The following CASC3 variants were observed in gnomAD, a reference collection of about 807,000 sequenced individuals.
CASC3 encodes CASC3 exon junction complex subunit, also known as protein CASC3.
In CASC3, 30 loss-of-function variants were observed where a neutral mutation model predicts 80.5. That is an observed-to-expected ratio of 0.37 (90% confidence interval 0.28 to 0.51). The LOEUF is 0.51. Ranked by LOEUF, CASC3 falls within the 20% of genes least tolerant of loss-of-function variation. CASC3 has a pLI of 0.94. For synonymous variants in CASC3, 312 were observed against 333.6 expected, an observed-to-expected ratio of 0.94 and a Z score of 0.70; for missense variants, 824 against 922.2, an observed-to-expected ratio of 0.89 and a Z score of 1.38.
intron 3 of CASC3, 71 bp from the exon 4 acceptor site, chr17:40,161,682 G>T (rs1016740239): frequency 1.3e-4 from 170 of 1,355,950 alleles, no homozygotes; most frequent in Non-Finnish European, 1.6e-4. Context: ...TTTGGGGTTG[G>T]GGGCAGGGGT....
chr17:40,171,655 C>T lies in CASC3; in HGVS notation c.*1250C>T. ...TTCCTCCCTATCCATGGCACTAAACCACTTCTCTGCTGCCTCTGTGGAAGA... is the reference window on the plus strand; with the variant it reads ...TTCCTCCCTATCCATGGCACTAAACTACTTCTCTGCTGCCTCTGTGGAAGA... On this transcript the variant is annotated 3_prime_UTR_variant, in exon 14 of 14. Coordinates refer to ENST00000264645, the MANE Select transcript of CASC3 (RefSeq NM_007359.5). 9.9e-7 allele frequency: 1 copy of T among 1,012,876 alleles called. No homozygotes were observed. The highest frequency in any genetic ancestry group is 1.2e-6 in the Non-Finnish European group (1 of 846,224). The allele number at this position is 1,012,876 out of a possible 1,614,324, so 62.7% of individuals were successfully genotyped here. A position where few individuals can be genotyped will look rare whatever the true frequency, so the allele number is the denominator to read the frequency against.
At position 40,140,658 on chromosome 17, in the gene CASC3, G is replaced by C. The variant is rs1172693483; in HGVS notation, c.110G>C (p.Ser37Thr). ...GSPLRGGGSC[S>T]GSAGGGGSGS... ...CCGTTGCGGGGAGGCGGGAGCTGCA[G>C]CGGTAGCGCCGGAGGCGGCGGCAGC... The change falls in exon 1 of 14, where the codon AGC (serine) becomes ACC (threonine). Residue 37 changes from serine to threonine, a missense_variant. Transcript: ENST00000264645. 1.4e-5 allele frequency: 22 copies of C among 1,606,794 alleles called. No individual in the cohort carries two copies. The highest frequency in any genetic ancestry group is 1.9e-5 in the Non-Finnish European group (22 of 1,177,996).
At chr17:40,144,626 G>T (rs1988806680) in intron 3 of CASC3, among the ~76,000 whole-genome samples, 1 of 149,562 alleles carries the variant, frequency 6.7e-6, no homozygotes, top group African/African-American at 2.5e-5. Context: ...ATTACAGGTG[G>T]ATTACGGGTG....
At chr17:40,165,848 C>T (rs1222367000) in intron 7 of CASC3, among the ~76,000 whole-genome samples, 2 of 151,458 alleles carry the variant, frequency 1.3e-5, no homozygotes, top group Non-Finnish European at 2.9e-5. Flanking sequence ...TCACTGCAAC[C>T]TCCGCCTCCA....
At position 40,141,550 on chromosome 17, in the gene CASC3, A is replaced by G. The variant is rs771298751; in HGVS notation, c.260-20A>G. ...TGTTTCTGGGTTTCTTTTTTTCCACATATTTCTGTTTTATTTCAGCTGTTC... is the reference window on the plus strand; with the variant it reads ...TGTTTCTGGGTTTCTTTTTTTCCACGTATTTCTGTTTTATTTCAGCTGTTC... On this transcript the variant is annotated intron_variant, in intron 2 of 13. Coordinates refer to ENST00000264645, the MANE Select transcript of CASC3 (RefSeq NM_007359.5). 2 of 1,611,318 alleles carry G rather than the reference A, an allele frequency of 1.2e-6. No homozygotes were observed. Among genetic ancestry groups the G allele is most frequent in the Non-Finnish European group, 1.7e-6 (2 of 1,178,446 alleles).
Position 40,168,289 on chromosome 17 carries a change from C to A in CASC3, c.1837C>A (p.Pro613Thr), listed in dbSNP as rs1356458177. 1 of 1,614,048 alleles carries A rather than the reference C, an allele frequency of 6.2e-7. No individual in the cohort carries two copies. The highest frequency in any genetic ancestry group is 8.5e-7 in the Non-Finnish European group (1 of 1,180,024). ...PVSMSPGQPP[P>T]QQLLAPTYFS... ...GTCCATGTCTCCAGGACAGCCACCA[C>A]CTCAGCAGTTGCTTGCTCCTACTTA... The change falls in exon 11 of 14, where the codon CCT becomes ACT. Residue 613 changes from proline (P) to threonine (T), a missense_variant. By Grantham distance (38) the Pro-to-Thr change is conservative. Around this residue, in one of 3 missense-constraint regions of CASC3, gnomAD observed 464 missense variants for 506.0 expected, o/e 0.92. Coordinates refer to ENST00000264645, the MANE Select transcript of CASC3 (RefSeq NM_007359.5).
intron 3 of CASC3, among the ~76,000 whole-genome samples, chr17:40,152,721 TC>T (rs1265215447): frequency 6.6e-6 from 1 of 152,072 alleles, no homozygotes; most frequent in Non-Finnish European, 1.5e-5. Flanking sequence ...AGCCTCAGCT[TC>T]CCAAAGTATT....
chr17:40,171,171 C>G lies in CASC3; in HGVS notation c.*766C>G. 1.0e-6 allele frequency: 1 copy of G among 986,028 alleles called. No individual in the cohort carries two copies. The highest frequency in any genetic ancestry group is 1.2e-6 in the Non-Finnish European group (1 of 829,974). 61.1% of individuals were successfully genotyped at this position (986,028 alleles called of 1,614,324 possible). A position where few individuals can be genotyped will look rare whatever the true frequency, so the allele number is the denominator to read the frequency against. On this transcript the variant is annotated 3_prime_UTR_variant, in exon 14 of 14. Coordinates refer to ENST00000264645, the MANE Select transcript of CASC3 (RefSeq NM_007359.5). ...TGACTTAGGTTTTTAGGAGTCTGAG[C>G]ATCCATCAATACCTGTACTATGATG... is the stretch of plus-strand genomic sequence containing the variant.
Position 40,141,365 on chromosome 17 carries a change from G to A in CASC3, c.259+131G>A, listed in dbSNP as rs141877802. ...CCACAGAGTGCCTTTTTGTAACATA[G>A]TGGTTAAGAGCATAGGCTTTAGCAG... is the stretch of plus-strand genomic sequence containing the variant. On this transcript the variant is annotated intron_variant, in intron 2 of 13. Coordinates refer to ENST00000264645, the MANE Select transcript of CASC3 (RefSeq NM_007359.5). The A allele has an allele frequency of 6.6e-4, 615 of 930,808 alleles. 2 individuals carry two copies. In the East Asian group the frequency reaches 0.012, roughly 18 times the overall value. The allele number at this position is 930,808 out of a possible 1,614,324, so 57.7% of individuals were successfully genotyped here. A position where few individuals can be genotyped will look rare whatever the true frequency, so the allele number is the denominator to read the frequency against.
At chr17:40,148,548 A>G (rs1028517312) in intron 3 of CASC3, among the ~76,000 whole-genome samples, 1 of 152,018 alleles carries the variant, frequency 6.6e-6, no homozygotes, top group African/African-American at 2.4e-5. Context: ...TTTAGTAGAG[A>G]TGAGGTTTCA....
intron 10 of CASC3, 23 bp downstream of exon 10, chr17:40,167,971 T>C (rs751567392): frequency 1.3e-5 from 20 of 1,599,252 alleles, no homozygotes; most frequent in African/African-American, 2.7e-5. Context: ...TCTCTGCTTA[T>C]ATGCTTCCAG....
intron 7 of CASC3, among the ~76,000 whole-genome samples, chr17:40,166,366 C>T (rs1989449527): frequency 2.0e-5 from 3 of 152,310 alleles, no homozygotes; most frequent in Admixed American, 6.5e-5. Flanking sequence ...AACTTCCAAC[C>T]CAGACCCCTG....
intron 11 of CASC3, chr17:40,169,076 CCATTTGT>C (rs1462936152): frequency 1.2e-5 from 5 of 407,542 alleles, no homozygotes; most frequent in Non-Finnish European, 1.7e-5. Flanking sequence ...TCAGCCTTTT[CCATTTGT>C]CAGCTGATGG....
intron 3 of CASC3, among the ~76,000 whole-genome samples, chr17:40,157,068 G>T (rs370268160): frequency 6.6e-6 from 1 of 152,010 alleles, no homozygotes; most frequent in Non-Finnish European, 1.5e-5. Context: ...GGGGTTGGCC[G>T]GGCGCGGTGG....
At position 40,171,793 on chromosome 17, in the gene CASC3, ACT is replaced by A; in HGVS notation, c.*1389_*1390del. 2 of 1,163,964 alleles carry A rather than the reference ACT, an allele frequency of 1.7e-6. No individual in the cohort carries two copies. The highest frequency in any genetic ancestry group is 3.8e-5 in the Admixed American group (1 of 26,142). 72.1% of individuals were successfully genotyped at this position (1,163,964 alleles called of 1,614,324 possible). The stretch of plus-strand genomic sequence containing the variant: ...GGCTGTGTCTCTCCCCGGTAATGTC[ACT>A]GTTTTTATTCCTTCCATCTAGCAGC... On this transcript the variant is annotated 3_prime_UTR_variant, in exon 14 of 14. Coordinates refer to ENST00000264645, the MANE Select transcript of CASC3 (RefSeq NM_007359.5).
intron 3 of CASC3, among the ~76,000 whole-genome samples, chr17:40,142,565 A>G (rs536042695): frequency 5.4e-4 from 82 of 152,250 alleles, no homozygotes; most frequent in African/African-American, 1.9e-3. Flanking sequence ...TGAGGCCAGG[A>G]GTTTGAGACC....
intron 3 of CASC3, among the ~76,000 whole-genome samples, chr17:40,154,789 T>G (rs1055669666): frequency 6.6e-6 from 1 of 152,208 alleles, no homozygotes; most frequent in Non-Finnish European, 1.5e-5. Context: ...TATTTACTCC[T>G]GTGTTTTCTT....
chr17:40,164,860 A>G (rs920983189), intron 7 of CASC3, among the ~76,000 whole-genome samples: 1 of 146,960 alleles, frequency 6.8e-6, no homozygotes, highest in African/African-American at 2.5e-5. Context: ...GGCTCAAACA[A>G]TTCTCCTGCC....
intron 3 of CASC3, among the ~76,000 whole-genome samples, chr17:40,149,552 A>G (rs902983002): frequency 1.3e-5 from 2 of 150,572 alleles, no homozygotes; most frequent in African/African-American, 5.0e-5. Flanking sequence ...ATTGAAAAAA[A>G]GAAAAGAAAG....
Sources: allele counts gnomAD v4.1 joint callset (sites outside exome capture counted in the v4.1 genomes callset), GRCh38; gene constraint gnomAD v4.1.1; regional missense constraint gnomAD v4.1.1; transcripts MANE v1.5; gene names NCBI Gene and HGNC (gene_info 2026-07-23, HGNC 2026-07-21).